MBD5: variants seen among roughly 807,000 people sequenced by gnomAD.
The protein encoded by MBD5 is methyl-CpG binding domain protein 5.
A neutral mutation model predicts 117.3 loss-of-function variants in MBD5; 13 were observed. The observed-to-expected ratio is 0.11, with a 90% confidence interval of 0.07 to 0.18. MBD5 has a LOEUF of 0.18. MBD5 is among the 10% of genes least tolerant of loss of function. MBD5 has a pLI of 1.00. For missense variants in MBD5, 1,879 were observed against 2,093.8 expected (o/e 0.90, Z 2.00); for synonymous variants, 727 against 766.4 (o/e 0.95, Z 0.85).
intron 1 of MBD5, among the ~76,000 whole-genome samples, chr2:148,140,901 G>A (rs949325015): frequency 6.6e-6 from 1 of 151,970 alleles, no homozygotes; most frequent in Non-Finnish European, 1.5e-5. Context: ...AAGAAACTGG[G>A]ACTATAGGTG....
chr2:148,082,725 C>A (rs1695675079), intron 1 of MBD5, among the ~76,000 whole-genome samples: 1 of 151,900 alleles, frequency 6.6e-6, no homozygotes, highest in African/African-American at 2.4e-5. Context: ...CATGTGATTT[C>A]AGAGGAAGGG....
intron 3 of MBD5, chr2:148,295,871 C>G (rs1349585824): frequency 6.1e-6 from 1 of 163,932 alleles, no homozygotes; most frequent in African/African-American, 2.4e-5. Context: ...TGAATTTAAT[C>G]CATATATTTA....
At chr2:148,348,448 G>A (rs1352096395) in intron 4 of MBD5, among the ~76,000 whole-genome samples, 3 of 151,948 alleles carry the variant, frequency 2.0e-5, no homozygotes, top group East Asian at 1.9e-4. Flanking sequence ...CTCATATTCA[G>A]TATTTTCAAA....
At chr2:148,504,779 A>C (rs547989239) in intron 12 of MBD5, among the ~76,000 whole-genome samples, 7 of 152,132 alleles carry the variant, frequency 4.6e-5, no homozygotes, top group Non-Finnish European at 7.4e-5. Context: ...ATGGGGTGGG[A>C]TAGTGTTTAG....
chr2:148,123,177 T>C (rs536847863), intron 1 of MBD5, among the ~76,000 whole-genome samples: 2 of 152,236 alleles, frequency 1.3e-5, no homozygotes, highest in East Asian at 1.9e-4. Context: ...TGTGAAATTA[T>C]TAAAAACTGA....
At position 148,483,634 on chromosome 2, in the gene MBD5, C is replaced by T. The variant is rs1681238210; in HGVS notation, c.3043C>T (p.Leu1015Phe). The change falls in exon 9 of 14, where the codon CTT (leucine) becomes TTT (phenylalanine). Residue 1015 changes from leucine to phenylalanine, a missense_variant. Physicochemically the swap from Leu to Phe is conservative, Grantham distance 22. Coordinates refer to ENST00000642680, the MANE Select transcript of MBD5 (RefSeq NM_001378120.1). ...ATCTTTCAATCTGACCATCTCAGAT[C>T]TTTTGCAACAGCAAAATACCCCTTT... Reference protein sequence around the residue: ...LPSFNLTISDLLQQQNTPLPS... With the variant: ...LPSFNLTISDFLQQQNTPLPS... 6.4e-7 allele frequency: 1 copy of T among 1,551,654 alleles called. No individual in the cohort carries two copies. The highest frequency in any genetic ancestry group is 1.4e-5 in the African/African-American group (1 of 73,176).
intron 4 of MBD5, chr2:148,346,665 A>G (rs1703130772): frequency 6.6e-6 from 1 of 151,744 alleles, no homozygotes; most frequent in Non-Finnish European, 1.5e-5. Context: ...TTTCTTGTGG[A>G]GGGGTCTTTG....
rs148083488 is a variant in MBD5 at position 148,228,464 on chromosome 2, C to G, written c.-830-4781C>G. ...CCATGCATCCCAGGGATGAAGCCCA[C>G]TTGATCATGGTGGATAAGCTTTTTG... On this transcript the variant is annotated intron_variant, in intron 2 of 13. Coordinates refer to ENST00000642680, the MANE Select transcript of MBD5 (RefSeq NM_001378120.1). Among the ~76,000 whole-genome samples, 1,403 of 152,266 alleles carry G rather than the reference C, an allele frequency of 9.2e-3. 18 individuals are homozygous for G. Among genetic ancestry groups the G allele is most frequent in the African/African-American group, 0.032 (1,343 of 41,520 alleles).
intron 4 of MBD5, among the ~76,000 whole-genome samples, chr2:148,415,524 G>A (rs776527848): frequency 4.6e-5 from 7 of 152,092 alleles, no homozygotes; most frequent in Non-Finnish European, 1.0e-4. Context: ...AGCGAGGTTT[G>A]GGAAATTTTC....
chr2:148,304,356 TC>T (rs1701841557), intron 3 of MBD5, among the ~76,000 whole-genome samples: 3 of 151,982 alleles, frequency 2.0e-5, no homozygotes, highest in Admixed American at 2.0e-4. Context: ...CAAAATTTAA[TC>T]CCAGGCGTTC....
intron 1 of MBD5, among the ~76,000 whole-genome samples, chr2:148,092,316 C>T (rs1427781461): frequency 6.6e-6 from 1 of 152,164 alleles, no homozygotes; most frequent in Non-Finnish European, 1.5e-5. Flanking sequence ...TACTGGGTAT[C>T]TACCTAGAGG....
intron 4 of MBD5, among the ~76,000 whole-genome samples, chr2:148,431,568 T>G (rs920930670): frequency 2.0e-5 from 3 of 152,076 alleles, no homozygotes; most frequent in Non-Finnish European, 4.4e-5. Flanking sequence ...TAGGCCCCAG[T>G]GTCTGTTGTT....
chr2:148,147,324 C>T (rs111831252), intron 1 of MBD5, among the ~76,000 whole-genome samples: 11 of 151,928 alleles, frequency 7.2e-5, no homozygotes, highest in African/African-American at 2.4e-4. Context: ...TTCACTGCAA[C>T]CTCTGCCTCC....
intron 2 of MBD5, among the ~76,000 whole-genome samples, chr2:148,189,243 G>T (rs1244305406): frequency 6.8e-6 from 1 of 147,480 alleles, no homozygotes; most frequent in African/African-American, 2.5e-5. Flanking sequence ...CTCGAACTGG[G>T]TGGAGCCCAC....
At chr2:148,345,406 CAT>C in intron 4 of MBD5, among the ~76,000 whole-genome samples, 1 of 136,270 alleles carries the variant, frequency 7.3e-6, no homozygotes, top group East Asian at 2.5e-4. Context: ...CATATATACA[CAT>C]ATACATATAC....
chr2:148,333,626 G>A (rs1702715833), intron 3 of MBD5, among the ~76,000 whole-genome samples: 1 of 151,774 alleles, frequency 6.6e-6, no homozygotes, highest in Non-Finnish European at 1.5e-5. Flanking sequence ...TGGATCACTT[G>A]AGGTCAAGAG....
chr2:148,234,795 CT>C (rs1700057710), intron 3 of MBD5, among the ~76,000 whole-genome samples: 1 of 152,076 alleles, frequency 6.6e-6, no homozygotes, highest in South Asian at 2.1e-4. Context: ...CCTTTATGCA[CT>C]TTTATTAACT....
chr2:148,242,228 A>G (rs1222994805), intron 3 of MBD5, among the ~76,000 whole-genome samples: 1 of 152,138 alleles, frequency 6.6e-6, no homozygotes, highest in Non-Finnish European at 1.5e-5. Context: ...TATTACCATA[A>G]TTATTCTATA....
chr2:148,083,772 C>T (rs1319191513), intron 1 of MBD5, among the ~76,000 whole-genome samples: 3 of 151,962 alleles, frequency 2.0e-5, no homozygotes, highest in African/African-American at 4.8e-5. Context: ...GGACTACAGG[C>T]GCACGCCACC....
Sources: gnomAD v4.1 joint callset for allele counts (sites outside exome capture counted in the v4.1 genomes callset) on GRCh38, gnomAD v4.1.1 for gene constraint, MANE v1.5 for transcripts, NCBI Gene and HGNC (gene_info 2026-07-23, HGNC 2026-07-21) for gene names.